TRIQK: variants seen among roughly 807,000 people sequenced by gnomAD.
The protein encoded by TRIQK is triple QxxK/R motif-containing protein.
A neutral mutation model predicts 10.8 loss-of-function variants in TRIQK; 10 were observed. The ratio of observed to expected loss-of-function variants is 0.92; its 90% CI spans 0.57 to 1.57. The LOEUF (loss-of-function observed/expected upper bound fraction) is 1.57. Among genes scored for constraint, TRIQK ranks in the 40% most tolerant of loss-of-function variants. The pLI is 0.00. For synonymous variants in TRIQK, 33 were observed against 33.7 expected, an observed-to-expected ratio of 0.98 and a Z score of 0.07; for missense variants, 107 against 97.7, an observed-to-expected ratio of 1.09 and a Z score of -0.40.
chr8:92,971,724 A>C (rs1367252908), intron 1 of TRIQK, among the ~76,000 whole-genome samples: 1 of 152,218 alleles, frequency 6.6e-6, no homozygotes, highest in African/African-American at 2.4e-5. Context: ...CATATTGCCC[A>C]AAGTAATTTA....
intron 2 of TRIQK, among the ~76,000 whole-genome samples, chr8:92,931,797 C>A (rs920803892): frequency 1.3e-5 from 2 of 152,090 alleles, no homozygotes; most frequent in African/African-American, 4.8e-5. Context: ...TCCAGGACAG[C>A]CCTTGCCCCA....
rs527587381 is a variant in TRIQK at position 92,991,656 on chromosome 8, C to G, written c.-181+25953G>C. Among the ~76,000 whole-genome samples, 6 of 152,190 alleles carry G rather than the reference C, an allele frequency of 3.9e-5. No individual in the cohort carries two copies. The South Asian group carries it at 1.2e-3, about 32-fold the overall frequency. ...ATAGTATTGGAAGTTCCGGCCCGGG[C>G]AATCAGGCAAAAGAAAGAAATAAAG... is the stretch of plus-strand genomic sequence containing the variant. On this transcript the variant is annotated intron_variant, in intron 1 of 4. Transcript: ENST00000520686.
At chr8:92,994,109 T>C (rs1014110971) in intron 1 of TRIQK, among the ~76,000 whole-genome samples, 5 of 152,212 alleles carry the variant, frequency 3.3e-5, no homozygotes, top group African/African-American at 1.2e-4. Context: ...TGTGCAATTT[T>C]GAAAGAGGTA....
At chr8:92,966,672 G>A (rs921168083), upstream of TRIQK, among the ~76,000 whole-genome samples, 4 of 152,050 alleles carry the variant, frequency 2.6e-5, no homozygotes, top group Admixed American at 1.3e-4. Context: ...TATTGGAAAA[G>A]TATTCAAATA....
chr8:92,955,523 T>C (rs1441274820), intron 1 of TRIQK, among the ~76,000 whole-genome samples: 1 of 151,548 alleles, frequency 6.6e-6, no homozygotes, highest in Non-Finnish European at 1.5e-5. Flanking sequence ...TTGAAAATAG[T>C]CTCTTAGATA....
At chr8:92,937,011 T>C (rs1225611844) in intron 2 of TRIQK, among the ~76,000 whole-genome samples, 1 of 151,732 alleles carries the variant, frequency 6.6e-6, no homozygotes, top group Non-Finnish European at 1.5e-5. Flanking sequence ...CCAGTAAAAT[T>C]AAAGATTATG....
At chr8:92,953,561 C>G (rs1812015332) in intron 2 of TRIQK, 1 of 151,882 alleles carries the variant, frequency 6.6e-6, no homozygotes, top group Non-Finnish European at 1.5e-5. Context: ...ATTGGTCATA[C>G]AATTGCTATA....
At chr8:92,980,235 A>G (rs530444570) in intron 1 of TRIQK, among the ~76,000 whole-genome samples, 1 of 152,192 alleles carries the variant, frequency 6.6e-6, no homozygotes, top group East Asian at 1.9e-4. Context: ...ATATATTAAT[A>G]GGTATTCTAA....
upstream of TRIQK, among the ~76,000 whole-genome samples, chr8:92,971,035 C>CTG (rs1812872252): frequency 1.3e-5 from 2 of 152,068 alleles, no homozygotes; most frequent in Non-Finnish European, 1.5e-5. Flanking sequence ...TTTTCCAGCG[C>CTG]TGTTTATTAA....
At chr8:93,009,282 A>G (rs1813305457) in intron 1 of TRIQK, among the ~76,000 whole-genome samples, 1 of 152,202 alleles carries the variant, frequency 6.6e-6, no homozygotes, top group Non-Finnish European at 1.5e-5. Context: ...ATAATGAAAT[A>G]TTACCTTACT....
In TRIQK at chr8:92,884,238, G is replaced by A. The variant is rs899578513; in HGVS notation, c.*2384C>T. The A allele has an allele frequency of 6.6e-6, 1 of 152,548 alleles. No individual in the cohort carries two copies. The highest frequency in any genetic ancestry group is 6.5e-5 in the Admixed American group (1 of 15,282). The allele number at this position is 152,548 out of a possible 1,614,324, so 9.4% of individuals were successfully genotyped here. On this transcript the variant is annotated 3_prime_UTR_variant, in exon 5 of 5. Coordinates refer to ENST00000521988, the MANE Select transcript of TRIQK (RefSeq NM_001171797.2). ...AAGTGTGGTCCCTTTAAAACAGCAGGCCGGATATCACCTTTCTGTCTTCAA... is the reference window on the plus strand; with the variant it reads ...AAGTGTGGTCCCTTTAAAACAGCAGACCGGATATCACCTTTCTGTCTTCAA...
At chr8:92,899,568 C>T (rs1286971812) in intron 3 of TRIQK, among the ~76,000 whole-genome samples, 3 of 152,148 alleles carry the variant, frequency 2.0e-5, no homozygotes, top group Admixed American at 6.6e-5. Context: ...CATGTTGTCG[C>T]AAATGACAGG....
chr8:92,999,485 C>T (rs896278970), intron 1 of TRIQK, among the ~76,000 whole-genome samples: 6 of 152,014 alleles, frequency 3.9e-5, no homozygotes, highest in African/African-American at 1.2e-4. Context: ...TCTGACTACT[C>T]GTTTAAACCA....
intron 2 of TRIQK, among the ~76,000 whole-genome samples, chr8:92,942,332 A>T (rs1331845299): frequency 6.6e-6 from 1 of 152,208 alleles, no homozygotes. Context: ...AAAACATTTG[A>T]CAAAATTCAA....
chr8:93,015,939 T>C (rs1341974171), intron 1 of TRIQK, among the ~76,000 whole-genome samples: 1 of 147,946 alleles, frequency 6.8e-6, no homozygotes, highest in East Asian at 2.0e-4. Context: ...AAAACACCTT[T>C]TTTTAAGTAA....
chr8:92,976,323 G>T (rs1306415674), intron 1 of TRIQK, among the ~76,000 whole-genome samples: 1 of 151,882 alleles, frequency 6.6e-6, no homozygotes, highest in East Asian at 1.9e-4. Flanking sequence ...GTATTTTAAA[G>T]CTTTGTCATT....
At chr8:92,926,135 T>C (rs1810438037) in intron 2 of TRIQK, among the ~76,000 whole-genome samples, 1 of 151,428 alleles carries the variant, frequency 6.6e-6, no homozygotes, top group East Asian at 1.9e-4. Flanking sequence ...TGATAAACTG[T>C]GGTTTATTCA....
At chr8:93,007,275 G>T (rs560422350) in intron 1 of TRIQK, among the ~76,000 whole-genome samples, 1 of 152,170 alleles carries the variant, frequency 6.6e-6, no homozygotes. Context: ...TAGGCCTACG[G>T]GCCCTATGGA....
intron 2 of TRIQK, among the ~76,000 whole-genome samples, chr8:92,941,919 G>C (rs1455918603): frequency 6.6e-6 from 1 of 152,122 alleles, no homozygotes; most frequent in East Asian, 1.9e-4. Context: ...TAACTAACCA[G>C]CTTAAATTAG....
Sources: allele counts gnomAD v4.1 joint callset (sites outside exome capture counted in the v4.1 genomes callset), GRCh38; gene constraint gnomAD v4.1.1; transcripts MANE v1.5; gene names NCBI Gene and HGNC (gene_info 2026-07-23, HGNC 2026-07-21).